Variants in GUCY1A2 observed in about 807,000 individuals in gnomAD.
GUCY1A2 encodes the protein guanylate cyclase 1 soluble subunit alpha 2, also known as guanylate cyclase soluble subunit alpha-2.
A neutral mutation model predicts 63.5 loss-of-function variants in GUCY1A2; 27 were observed. The ratio of observed to expected loss-of-function variants is 0.43; its 90% CI spans 0.31 to 0.59. The LOEUF (loss-of-function observed/expected upper bound fraction) is 0.59, where lower values mean the gene tolerates loss of function less well. Ranked by LOEUF, GUCY1A2 falls within the 20% of genes least tolerant of loss-of-function variation. The probability of loss-of-function intolerance (pLI) is 0.11; values close to 1 mark genes in which losing one functional copy is unlikely to be tolerated. For missense variants in GUCY1A2, 768 were observed against 913.3 expected (o/e 0.84, Z 2.05); for synonymous variants, 364 against 343.5 (o/e 1.06, Z -0.66).
At chr11:106,809,066 T>C (rs917926348) in intron 5 of GUCY1A2, among the ~76,000 whole-genome samples, 16 of 152,070 alleles carry the variant, frequency 1.1e-4, no homozygotes, top group African/African-American at 3.9e-4. Context: ...CACACCTTCA[T>C]AAAAACACCT....
At chr11:106,934,728 G>A (rs1482508635) in intron 4 of GUCY1A2, among the ~76,000 whole-genome samples, 1 of 152,084 alleles carries the variant, frequency 6.6e-6, no homozygotes, top group East Asian at 1.9e-4. Context: ...CCAACCCTGA[G>A]AACAAAAGTG....
chr11:106,991,367 A>G (rs1861468476), intron 1 of GUCY1A2, among the ~76,000 whole-genome samples: 2 of 152,178 alleles, frequency 1.3e-5, no homozygotes, highest in Admixed American at 1.3e-4. Flanking sequence ...GTAGGTATAT[A>G]TTTAATCACT....
At chr11:106,846,024 T>C (rs1490973730) in intron 4 of GUCY1A2, among the ~76,000 whole-genome samples, 2 of 151,572 alleles carry the variant, frequency 1.3e-5, no homozygotes, top group Non-Finnish European at 3.0e-5. Flanking sequence ...CCTAATCTAA[T>C]CATGAGGAAA....
chr11:106,829,925 T>C (rs1859027530), intron 4 of GUCY1A2, among the ~76,000 whole-genome samples: 1 of 151,996 alleles, frequency 6.6e-6, no homozygotes, highest in Non-Finnish European at 1.5e-5. Context: ...CTACACCAAG[T>C]AAAAAACCAT....
intron 4 of GUCY1A2, among the ~76,000 whole-genome samples, chr11:106,896,651 T>C (rs566786598): frequency 6.6e-6 from 1 of 152,264 alleles, no homozygotes; most frequent in South Asian, 2.1e-4. Context: ...AAAAGTGCTC[T>C]CTTGCTATTC....
intron 6 of GUCY1A2, among the ~76,000 whole-genome samples, chr11:106,723,169 C>T (rs1863348353): frequency 6.6e-6 from 1 of 152,140 alleles, no homozygotes; most frequent in African/African-American, 2.4e-5. Context: ...TTCTCATCAC[C>T]ACAGAGGCCC....
At chr11:106,980,746 G>A (rs914510265) in intron 2 of GUCY1A2, among the ~76,000 whole-genome samples, 3 of 152,136 alleles carry the variant, frequency 2.0e-5, no homozygotes, top group Non-Finnish European at 2.9e-5. Context: ...AAATAAAAAG[G>A]TTTCATGTTT....
At chr11:106,924,284 T>C (rs184581382) in intron 4 of GUCY1A2, among the ~76,000 whole-genome samples, 143 of 152,370 alleles carry the variant, frequency 9.4e-4, no homozygotes, top group African/African-American at 3.2e-3. Context: ...ACACTGATTA[T>C]AGTTCAATGG....
In GUCY1A2 at chr11:107,018,213, G is replaced by C. The variant is rs1038421826; in HGVS notation, c.-158C>G. The C allele has an allele frequency of 4.8e-6, 1 of 209,974 alleles. No individual in the cohort carries two copies. The highest frequency in any genetic ancestry group is 2.4e-5 in the African/African-American group (1 of 42,092). 13.0% of individuals were successfully genotyped at this position (209,974 alleles called of 1,614,324 possible). On this transcript the variant is annotated 5_prime_UTR_variant, in exon 1 of 8. Transcript: ENST00000526355. ...CGGGGCGGGAGTCCCCGGGGCCGCG[G>C]AGCCCCCCGAGCCGGCTGCTCATGG... is the stretch of plus-strand genomic sequence containing the variant.
chr11:106,887,638 G>C (rs1353767206), intron 4 of GUCY1A2, among the ~76,000 whole-genome samples: 2 of 152,100 alleles, frequency 1.3e-5, no homozygotes, highest in Non-Finnish European at 2.9e-5. Flanking sequence ...TCACACTATT[G>C]AGTCCCTTAT....
At chr11:106,712,639 T>G (rs980569661) in intron 6 of GUCY1A2, among the ~76,000 whole-genome samples, 1 of 144,244 alleles carries the variant, frequency 6.9e-6, no homozygotes. Context: ...GGATGCAGTT[T>G]AATGACTTGG....
chr11:106,722,224 A>G (rs1181399773), intron 6 of GUCY1A2, among the ~76,000 whole-genome samples: 1 of 152,088 alleles, frequency 6.6e-6, no homozygotes, highest in Non-Finnish European at 1.5e-5. Flanking sequence ...CAAACAAAGA[A>G]TGAGAAGCAC....
chr11:106,704,725 G>A (rs1862877289), intron 7 of GUCY1A2, among the ~76,000 whole-genome samples: 1 of 152,034 alleles, frequency 6.6e-6, no homozygotes, highest in South Asian at 2.1e-4. Flanking sequence ...AAATAATTAT[G>A]CTGAGATAAA....
intron 1 of GUCY1A2, among the ~76,000 whole-genome samples, chr11:106,992,490 C>T (rs776928920): frequency 5.3e-5 from 8 of 151,940 alleles, no homozygotes; most frequent in African/African-American, 7.2e-5. Context: ...CCTCCATGCC[C>T]GGCTAATTTT....
chr11:106,851,059 T>C (rs1192304326), intron 4 of GUCY1A2, among the ~76,000 whole-genome samples: 1 of 152,022 alleles, frequency 6.6e-6, no homozygotes, highest in Non-Finnish European at 1.5e-5. Flanking sequence ...TCTCTCATTG[T>C]GGTTTTGATT....
intron 4 of GUCY1A2, among the ~76,000 whole-genome samples, chr11:106,900,297 C>T (rs1348468951): frequency 1.3e-5 from 2 of 152,128 alleles, no homozygotes; most frequent in Admixed American, 6.5e-5. Flanking sequence ...GAGCCTCCTA[C>T]CTCAGCCTCC....
chr11:106,702,104 T>C (rs1239483477), intron 7 of GUCY1A2, among the ~76,000 whole-genome samples: 1 of 152,122 alleles, frequency 6.6e-6, no homozygotes, highest in African/African-American at 2.4e-5. Flanking sequence ...TTTCAGTTTT[T>C]CTCATCTGAA....
intron 3 of GUCY1A2, among the ~76,000 whole-genome samples, chr11:106,941,990 G>GGCATGCCA (rs1860757843): frequency 1.3e-5 from 2 of 152,122 alleles, no homozygotes; most frequent in African/African-American, 4.8e-5. Context: ...TTACAAGACT[G>GGCATGCCA]CTCTTCAACA....
At chr11:106,860,676 T>C (rs565175564) in intron 4 of GUCY1A2, among the ~76,000 whole-genome samples, 3 of 152,124 alleles carry the variant, frequency 2.0e-5, no homozygotes, top group Admixed American at 6.6e-5. Flanking sequence ...TATTTTAGCT[T>C]CTCAGAGCTT....
Sources: allele counts gnomAD v4.1 joint callset (sites outside exome capture counted in the v4.1 genomes callset), GRCh38; gene constraint gnomAD v4.1.1; transcripts MANE v1.5; gene names NCBI Gene and HGNC (gene_info 2026-07-23, HGNC 2026-07-21).